Variants in PTPRM observed in about 807,000 individuals in gnomAD.
PTPRM encodes the protein receptor-type tyrosine-protein phosphatase mu.
Under a neutral mutation model 186.7 loss-of-function variants are expected in PTPRM, and 47 were observed. The observed-to-expected ratio is 0.25, with a 90% confidence interval of 0.20 to 0.32. PTPRM has a LOEUF of 0.32. Ranked by LOEUF, PTPRM falls within the 10% of genes least tolerant of loss-of-function variation. The pLI, the probability that PTPRM is intolerant of heterozygous loss-of-function variation, is 1.00. For missense variants in PTPRM, 1,494 were observed against 1,865.0 expected (o/e 0.80, Z 3.66); for synonymous variants, 668 against 674.9 (o/e 0.99, Z 0.16).
chr18:7,784,224 C>T (rs2042992173), intron 2 of PTPRM, among the ~76,000 whole-genome samples: 2 of 152,176 alleles, frequency 1.3e-5, no homozygotes, highest in African/African-American at 4.8e-5. Context: ...ATCCTTTTCA[C>T]TTTAAGACCA....
intron 7 of PTPRM, among the ~76,000 whole-genome samples, chr18:8,024,748 A>T (rs1457710509): frequency 7.1e-6 from 1 of 140,004 alleles, no homozygotes; most frequent in African/African-American, 2.7e-5. Context: ...CAATGGCATG[A>T]TCTTGGCTCG....
chr18:8,017,445 C>T (rs193219015), intron 7 of PTPRM, among the ~76,000 whole-genome samples: 3 of 151,644 alleles, frequency 2.0e-5, no homozygotes, highest in East Asian at 1.9e-4. Context: ...TAGTTGGGTG[C>T]GGTGACATGC....
intron 1 of PTPRM, among the ~76,000 whole-genome samples, chr18:7,682,757 G>A (rs376694106): frequency 3.9e-4 from 60 of 152,278 alleles, no homozygotes; most frequent in African/African-American, 1.4e-3. Context: ...ATTTGCTGAA[G>A]GGGCTTGGAG....
rs142664992 is a variant in PTPRM, at chr18:8,138,146, G to T, written c.2168-5501G>T. Among the ~76,000 whole-genome samples the T allele has an allele frequency of 5.7e-3, 866 of 152,054 alleles. 3 individuals carry two copies. Among genetic ancestry groups the T allele is most frequent in the Non-Finnish European group, 9.5e-3 (644 of 67,962 alleles). On this transcript the variant is annotated intron_variant, in intron 13 of 32. Transcript: ENST00000580170. ...GTCACAGGGATGCTTCTGTATCTCT[G>T]ATCTGAACACTGGTCACACCCCTCC...
intron 7 of PTPRM, among the ~76,000 whole-genome samples, chr18:8,041,858 A>G (rs1354728471): frequency 6.6e-6 from 1 of 152,218 alleles, no homozygotes; most frequent in Non-Finnish European, 1.5e-5. Flanking sequence ...GAAAATCACA[A>G]GGGCCCATGC....
At chr18:7,705,798 G>C (rs2040074234) in intron 1 of PTPRM, among the ~76,000 whole-genome samples, 1 of 151,266 alleles carries the variant, frequency 6.6e-6, no homozygotes, top group Admixed American at 6.6e-5. Context: ...GACTCAAGTA[G>C]TCCTCCTGCC....
intron 1 of PTPRM, among the ~76,000 whole-genome samples, chr18:7,639,456 G>A (rs142949287): frequency 9.2e-4 from 137 of 149,556 alleles, no homozygotes; most frequent in African/African-American, 3.2e-3. Context: ...GCGTGATCTT[G>A]GCTCACTGTA....
chr18:7,716,832 ATGC>A (rs1568049989), intron 1 of PTPRM, among the ~76,000 whole-genome samples: 1 of 152,182 alleles, frequency 6.6e-6, no homozygotes, highest in African/African-American at 2.4e-5. Flanking sequence ...GAAATAACAG[ATGC>A]TGGAGAGAAT....
intron 20 of PTPRM, among the ~76,000 whole-genome samples, chr18:8,300,693 T>C (rs965272115): frequency 6.6e-6 from 1 of 152,150 alleles, no homozygotes; most frequent in Admixed American, 6.5e-5. Flanking sequence ...CCTCTGGGGC[T>C]ACGTTTTCTA....
chr18:8,378,206 C>A (rs574481871), intron 26 of PTPRM, 59 bp from the exon 27 acceptor site: 18 of 1,497,744 alleles, frequency 1.2e-5, no homozygotes, highest in Non-Finnish European at 1.7e-5. Context: ...AAATTGATAC[C>A]GTCTTTCCTC....
chr18:7,709,660 G>A (rs2040170288), intron 1 of PTPRM, among the ~76,000 whole-genome samples: 1 of 151,978 alleles, frequency 6.6e-6, no homozygotes, highest in Non-Finnish European at 1.5e-5. Flanking sequence ...TATCATTAGC[G>A]AGATTAACCA....
Position 8,085,766 on chromosome 18 carries a change from G to GT in PTPRM, c.1653dup (p.Gly552TrpfsTer15). ...AGCTGGGAAATGAAACCCATTTTCT[G>GT]TTTTTTGGACTGTATCCGGGGACCA... On this transcript the variant is annotated frameshift_variant, in exon 10 of 33. Coordinates refer to ENST00000580170, the MANE Select transcript of PTPRM (RefSeq NM_001105244.2). LOFTEE classifies it high-confidence loss of function. 1 of 1,613,192 alleles carries GT rather than the reference G, an allele frequency of 6.2e-7. No individual in the cohort carries two copies. The highest frequency in any genetic ancestry group is 8.5e-7 in the Non-Finnish European group (1 of 1,179,342).
At chr18:8,035,512 C>T (rs1467033217) in intron 7 of PTPRM, among the ~76,000 whole-genome samples, 3 of 152,104 alleles carry the variant, frequency 2.0e-5, no homozygotes, top group Non-Finnish European at 4.4e-5. Flanking sequence ...TTACCCAATA[C>T]AATGTAAATG....
intron 4 of PTPRM, among the ~76,000 whole-genome samples, chr18:7,921,981 C>G (rs1196173631): frequency 6.6e-6 from 1 of 152,060 alleles, no homozygotes; most frequent in African/African-American, 2.4e-5. Context: ...TTATTTATTC[C>G]AGTCTTCCCA....
chr18:8,099,374 T>C (rs2091181512), intron 11 of PTPRM, among the ~76,000 whole-genome samples: 1 of 152,184 alleles, frequency 6.6e-6, no homozygotes, highest in African/African-American at 2.4e-5. Flanking sequence ...TGATTTTACT[T>C]CTGTATTTCC....
At chr18:8,009,338 T>TTA (rs35329886) in intron 7 of PTPRM, among the ~76,000 whole-genome samples, 1 of 151,772 alleles carries the variant, frequency 6.6e-6, no homozygotes, top group Non-Finnish European at 1.5e-5. Flanking sequence ...TTTTTTTTTT[T>TTA]ACCCTGAAAG....
Position 8,130,658 on chromosome 18 carries a change from A to G in PTPRM, c.2168-12989A>G, listed in dbSNP as rs115122612. Among the ~76,000 whole-genome samples the G allele has an allele frequency of 5.5e-3, 844 of 152,240 alleles. 8 individuals carry two copies. Among genetic ancestry groups the G allele is most frequent in the African/African-American group, 0.019 (791 of 41,546 alleles). On this transcript the variant is annotated intron_variant, in intron 13 of 32. Coordinates refer to ENST00000580170, the MANE Select transcript of PTPRM (RefSeq NM_001105244.2). Reference sequence around the variant, plus strand: ...AGTGTACCTCAGGGGTAGACTCCAGATCATTTTCAAACCCACATGGCCCAC... The same window carrying G: ...AGTGTACCTCAGGGGTAGACTCCAGGTCATTTTCAAACCCACATGGCCCAC...
intron 14 of PTPRM, among the ~76,000 whole-genome samples, chr18:8,235,944 A>G (rs1335219757): frequency 1.3e-5 from 2 of 152,146 alleles, no homozygotes; most frequent in East Asian, 1.9e-4. Context: ...CAGACACCGT[A>G]TGATTTCTAT....
intron 1 of PTPRM, among the ~76,000 whole-genome samples, chr18:7,663,826 A>G (rs1384927550): frequency 6.6e-6 from 1 of 152,192 alleles, no homozygotes; most frequent in African/African-American, 2.4e-5. Flanking sequence ...GGCAGAGCAG[A>G]CCGTCATAGG....
Sources: gnomAD v4.1 joint callset for allele counts (sites outside exome capture counted in the v4.1 genomes callset) on GRCh38, gnomAD v4.1.1 for gene constraint, MANE v1.5 for transcripts, NCBI Gene and HGNC (gene_info 2026-07-23, HGNC 2026-07-21) for gene names.